IMMP2L: variants seen among roughly 807,000 people sequenced by gnomAD.
The protein encoded by IMMP2L is inner mitochondrial membrane peptidase subunit 2.
In IMMP2L, 18 loss-of-function variants were observed where a neutral mutation model predicts 19.3. The observed-to-expected ratio is 0.93, with a 90% CI of 0.64 to 1.38. The LOEUF is 1.38. Among genes scored for constraint, IMMP2L ranks in the 40% most tolerant of loss-of-function variants. IMMP2L has a pLI of 0.00. For synonymous variants in IMMP2L, 76 were observed against 73.0 expected (o/e 1.04, Z -0.21); for missense variants, 233 against 218.2 (o/e 1.07, Z -0.43).
intron 3 of IMMP2L, among the ~76,000 whole-genome samples, chr7:111,054,397 G>C (rs1793299246): frequency 6.6e-6 from 1 of 152,136 alleles, no homozygotes; most frequent in Admixed American, 6.5e-5. Context: ...CATATGCTTG[G>C]CATCAGGGCA....
chr7:111,437,747 T>A (rs954084620), intron 3 of IMMP2L, among the ~76,000 whole-genome samples: 1 of 151,862 alleles, frequency 6.6e-6, no homozygotes, highest in African/African-American at 2.4e-5. Context: ...TCTGGCCCAC[T>A]GGAATGTAAA....
chr7:111,053,607 G>T lies in IMMP2L; in HGVS notation c.240-90042C>A, dbSNP rs111314006. Among the ~76,000 whole-genome samples, 510 of 152,310 alleles carry T rather than the reference G, an allele frequency of 3.3e-3. 4 individuals carry two copies. Among genetic ancestry groups the T allele is most frequent in the African/African-American group, 0.012 (484 of 41,574 alleles). ...GGTGACAATTGCCTGACCATCACCT[G>T]AGGGTTGCCTGACATTCCTGGTGGT... On this transcript the variant is annotated intron_variant, in intron 3 of 5. Transcript: ENST00000405709.
intron 4 of IMMP2L, among the ~76,000 whole-genome samples, chr7:110,942,247 CTT>C (rs1374389882): frequency 6.6e-6 from 1 of 151,918 alleles, no homozygotes; most frequent in African/African-American, 2.4e-5. Flanking sequence ...GACTGGGAAT[CTT>C]TGACAACCAA....
At chr7:110,873,711 T>C (rs1449252797) in intron 5 of IMMP2L, among the ~76,000 whole-genome samples, 1 of 149,784 alleles carries the variant, frequency 6.7e-6, no homozygotes, top group African/African-American at 2.5e-5. Flanking sequence ...GAGGCGGAGG[T>C]TGCAGTGAGC....
intron 3 of IMMP2L, among the ~76,000 whole-genome samples, chr7:111,405,230 T>A (rs1257141649): frequency 6.6e-6 from 1 of 152,070 alleles, no homozygotes; most frequent in East Asian, 1.9e-4. Flanking sequence ...ATGGAAATAC[T>A]CAAATTTAAA....
chr7:111,522,357 C>T lies in IMMP2L; in HGVS notation c.-2-908G>A, dbSNP rs957881128. On this transcript the variant is annotated intron_variant, in intron 1 of 5. Transcript: ENST00000405709. ...AAGTTTCTGTGCAGCAAACAATCAA[C>T]GTAATGAAGAGACAACCTACAGAAT... Among the ~76,000 whole-genome samples the T allele has an allele frequency of 9.2e-5, 14 of 152,080 alleles. 1 individual carries two copies. In the Middle Eastern group the frequency reaches 0.01, roughly 111 times the overall value.
chr7:111,168,148 G>A (rs1173207719), intron 3 of IMMP2L, among the ~76,000 whole-genome samples: 1 of 151,912 alleles, frequency 6.6e-6, no homozygotes, highest in East Asian at 1.9e-4. Context: ...TGCTGGATAT[G>A]TTGTCTGTAA....
chr7:110,892,536 G>C (rs1477366755), intron 4 of IMMP2L, among the ~76,000 whole-genome samples: 2 of 152,024 alleles, frequency 1.3e-5, no homozygotes, highest in Non-Finnish European at 2.9e-5. Context: ...TCACTTTTCA[G>C]TCAATTTTCA....
intron 3 of IMMP2L, among the ~76,000 whole-genome samples, chr7:111,090,732 T>C (rs989708084): frequency 3.9e-5 from 6 of 152,130 alleles, no homozygotes; most frequent in Admixed American, 2.0e-4. Flanking sequence ...AATGCAGTCA[T>C]TGCTGAACTT....
At chr7:111,284,471 A>G (rs1351987902) in intron 3 of IMMP2L, among the ~76,000 whole-genome samples, 2 of 152,138 alleles carry the variant, frequency 1.3e-5, no homozygotes, top group Non-Finnish European at 2.9e-5. Flanking sequence ...AAAAAAATGT[A>G]TTTAGTTCAT....
chr7:111,179,376 T>C (rs1356858274), intron 3 of IMMP2L, among the ~76,000 whole-genome samples: 2 of 152,086 alleles, frequency 1.3e-5, no homozygotes, highest in South Asian at 2.1e-4. Context: ...TGAGATTTTT[T>C]TGCAATTTTT....
chr7:111,367,745 C>G (rs1041322369), intron 3 of IMMP2L, among the ~76,000 whole-genome samples: 1 of 151,892 alleles, frequency 6.6e-6, no homozygotes, highest in African/African-American at 2.4e-5. Flanking sequence ...CCCAGAGACT[C>G]TCATTCTAGA....
At chr7:111,383,935 T>C (rs953746676) in intron 3 of IMMP2L, among the ~76,000 whole-genome samples, 1 of 152,106 alleles carries the variant, frequency 6.6e-6, no homozygotes, top group African/African-American at 2.4e-5. Flanking sequence ...TCTATGCTCT[T>C]GTGTCTTATT....
intron 3 of IMMP2L, among the ~76,000 whole-genome samples, chr7:111,052,299 A>C (rs960263424): frequency 6.6e-6 from 1 of 152,306 alleles, no homozygotes; most frequent in South Asian, 2.1e-4. Flanking sequence ...AAGGTCTGAT[A>C]AGAGACATTT....
chr7:111,170,873 A>G (rs1391990336), intron 3 of IMMP2L, among the ~76,000 whole-genome samples: 1 of 71,688 alleles, frequency 1.4e-5, no homozygotes, highest in Non-Finnish European at 3.4e-5. Flanking sequence ...ACAGTACCTA[A>G]AAGGTAATTT....
chr7:111,117,722 G>C (rs1304531954), intron 3 of IMMP2L, among the ~76,000 whole-genome samples: 7 of 152,034 alleles, frequency 4.6e-5, no homozygotes, highest in Non-Finnish European at 5.9e-5. Context: ...GTTAGATAGT[G>C]GGAGAATAGA....
At chr7:111,263,868 T>A (rs1388290546) in intron 3 of IMMP2L, among the ~76,000 whole-genome samples, 1 of 152,162 alleles carries the variant, frequency 6.6e-6, no homozygotes, top group African/African-American at 2.4e-5. Context: ...CATCTGTGCC[T>A]TTTTAACAGT....
At chr7:110,778,908 T>C (rs1584800560) in intron 5 of IMMP2L, among the ~76,000 whole-genome samples, 1 of 151,960 alleles carries the variant, frequency 6.6e-6, no homozygotes, top group Non-Finnish European at 1.5e-5. Flanking sequence ...ATGGCCAAAA[T>C]CAAGTCATCG....
At chr7:111,388,705 C>T (rs1406622923) in intron 3 of IMMP2L, among the ~76,000 whole-genome samples, 1 of 151,858 alleles carries the variant, frequency 6.6e-6, no homozygotes, top group African/African-American at 2.4e-5. Context: ...AGCAGAAACC[C>T]CGGATAAACA....
Sources: allele counts gnomAD v4.1 joint callset (sites outside exome capture counted in the v4.1 genomes callset), GRCh38; gene constraint gnomAD v4.1.1; transcripts MANE v1.5; gene names NCBI Gene and HGNC (gene_info 2026-07-23, HGNC 2026-07-21).